APP: variants seen among roughly 807,000 people sequenced by gnomAD.
The protein encoded by APP is amyloid beta precursor protein, also known as amyloid-beta precursor protein.
A neutral mutation model predicts 101.4 loss-of-function variants in APP; 31 were observed. That is an observed-to-expected ratio of 0.31 (90% CI 0.23 to 0.41). APP has a LOEUF of 0.41. APP is among the 10% of genes least tolerant of loss of function. The pLI, the probability that APP is intolerant of heterozygous loss-of-function variation, is 1.00. For synonymous variants in APP, 366 were observed against 364.4 expected, an observed-to-expected ratio of 1.00 and a Z score of -0.05; for missense variants, 839 against 1,003.7, an observed-to-expected ratio of 0.84 and a Z score of 2.22.
At chr21:26,008,349 A>T (rs530338180) in intron 6 of APP, among the ~76,000 whole-genome samples, 1 of 152,258 alleles carries the variant, frequency 6.6e-6, no homozygotes, top group African/African-American at 2.4e-5. Context: ...CCTGTTTGTT[A>T]TGGGAATAAA....
At chr21:25,971,630 C>A (rs2042036373) in intron 11 of APP, among the ~76,000 whole-genome samples, 1 of 152,148 alleles carries the variant, frequency 6.6e-6, no homozygotes, top group Admixed American at 6.5e-5. Flanking sequence ...GAGAATATAG[C>A]TGAGTAATGA....
At chr21:26,170,015 G>C (rs1276777115) in intron 1 of APP, among the ~76,000 whole-genome samples, 1 of 152,192 alleles carries the variant, frequency 6.6e-6, no homozygotes, top group Non-Finnish European at 1.5e-5. Context: ...GCAAGGAAGG[G>C]GGATGGGGGT....
At chr21:26,037,309 G>GT (rs1235373668) in intron 5 of APP, among the ~76,000 whole-genome samples, 1 of 152,132 alleles carries the variant, frequency 6.6e-6, no homozygotes, top group Non-Finnish European at 1.5e-5. Context: ...CTACAGCACT[G>GT]TAGGATGACT....
intron 3 of APP, among the ~76,000 whole-genome samples, chr21:26,084,314 C>G (rs2061660262): frequency 6.8e-6 from 1 of 147,876 alleles, no homozygotes; most frequent in Admixed American, 6.9e-5. Context: ...TCTCGGCTCA[C>G]GGCAAGCTCC....
intron 3 of APP, among the ~76,000 whole-genome samples, chr21:26,086,663 G>C (rs2061711792): frequency 6.6e-6 from 1 of 152,018 alleles, no homozygotes; most frequent in Non-Finnish European, 1.5e-5. Context: ...TGTTAAGCAG[G>C]AATAATATGT....
chr21:25,962,296 A>G (rs2041614742), intron 11 of APP, among the ~76,000 whole-genome samples: 1 of 152,242 alleles, frequency 6.6e-6, no homozygotes, highest in African/African-American at 2.4e-5. Flanking sequence ...CATCATTTAC[A>G]GCAAGAGGAA....
In APP at chr21:25,881,829, A is replaced by C. The variant is rs41276546; in HGVS notation, c.2212-58T>G. The C allele has an allele frequency of 0.031, 46,387 of 1,513,866 alleles. 859 individuals are homozygous for C. The highest frequency in any genetic ancestry group is 0.035 in the Non-Finnish European group (38,760 of 1,097,938). 93.8% of individuals were successfully genotyped at this position (1,513,866 alleles called of 1,614,324 possible). ...AAAAATCAATCTTTTAAGGGTGAAC[A>C]TGGAGAAGCAGTAAAAAGATAAGGA... On this transcript the variant is annotated intron_variant, in intron 17 of 17. Coordinates refer to ENST00000346798, the MANE Select transcript of APP (RefSeq NM_000484.4).
intron 5 of APP, among the ~76,000 whole-genome samples, chr21:26,049,853 A>G (rs979279980): frequency 6.6e-6 from 1 of 152,200 alleles, no homozygotes; most frequent in African/African-American, 2.4e-5. Flanking sequence ...GAGGAATATC[A>G]AAGCTATAAA....
chr21:25,915,779 G>A (rs530302725), intron 13 of APP, among the ~76,000 whole-genome samples: 36 of 152,318 alleles, frequency 2.4e-4, no homozygotes, highest in African/African-American at 7.2e-4. Flanking sequence ...AACAGTCAGG[G>A]GAGGTTGAGG....
chr21:25,888,251 AGGAAGAGGATGTT>A (rs1488293697), intron 17 of APP, among the ~76,000 whole-genome samples: 1 of 152,178 alleles, frequency 6.6e-6, no homozygotes, highest in Non-Finnish European at 1.5e-5. Flanking sequence ...CTGTTAAGGT[AGGAAGAGGATGTT>A]GCAGAAGCAT....
At chr21:26,136,733 G>C (rs563802983) in intron 1 of APP, among the ~76,000 whole-genome samples, 1 of 152,072 alleles carries the variant, frequency 6.6e-6, no homozygotes, top group South Asian at 2.1e-4. Flanking sequence ...AACACAGGTT[G>C]GTTGTTTTAG....
intron 3 of APP, among the ~76,000 whole-genome samples, chr21:26,089,235 A>G (rs2061767034): frequency 6.6e-6 from 1 of 152,204 alleles, no homozygotes; most frequent in Admixed American, 6.5e-5. Flanking sequence ...TGGTCACATA[A>G]AAACAACAAC....
At chr21:26,113,093 A>G (rs2062363488) in intron 1 of APP, among the ~76,000 whole-genome samples, 1 of 152,236 alleles carries the variant, frequency 6.6e-6, no homozygotes, top group African/African-American at 2.4e-5. Flanking sequence ...AATGAAAAAT[A>G]TATCCACAGG....
At chr21:25,907,437 A>G (rs187713782) in intron 14 of APP, among the ~76,000 whole-genome samples, 1 of 152,356 alleles carries the variant, frequency 6.6e-6, no homozygotes, top group Non-Finnish European at 1.5e-5. Flanking sequence ...AATACTTTCC[A>G]ATTTTTCCAA....
chr21:26,048,554 A>G (rs749937344), intron 5 of APP, among the ~76,000 whole-genome samples: 47 of 152,200 alleles, frequency 3.1e-4, no homozygotes, highest in Non-Finnish European at 6.0e-4. Context: ...AGTCCTTACC[A>G]AAAGCTATGA....
At chr21:25,917,635 A>G (rs1047143713) in intron 13 of APP, among the ~76,000 whole-genome samples, 18 of 152,336 alleles carry the variant, frequency 1.2e-4, no homozygotes, top group Admixed American at 5.9e-4. Context: ...AGTGTCAGTT[A>G]TAATTACTGA....
chr21:25,882,821 C>T lies in APP; in HGVS notation c.2212-1050G>A, dbSNP rs573389056. ...TGGATGTACCATAGAGAAGATATTCCTTCAAAGGGATATTTCCTAGAATGG... is the reference window on the plus strand; with the variant it reads ...TGGATGTACCATAGAGAAGATATTCTTTCAAAGGGATATTTCCTAGAATGG... On this transcript the variant is annotated intron_variant, in intron 17 of 17. Transcript: ENST00000346798. 9.2e-5 allele frequency among the ~76,000 whole-genome samples: 14 copies of T among 152,208 alleles called. No homozygotes were observed. In the East Asian group the frequency reaches 1.5e-3, roughly 17 times the overall value.
chr21:25,887,528 A>AAC (rs2037409209), intron 17 of APP, among the ~76,000 whole-genome samples: 1 of 151,548 alleles, frequency 6.6e-6, no homozygotes, highest in African/African-American at 2.4e-5. Flanking sequence ...AAAAAAAAAA[A>AAC]AAAAAAAAAA....
intron 5 of APP, among the ~76,000 whole-genome samples, chr21:26,043,222 GT>G (rs1214413361): frequency 6.7e-6 from 1 of 150,044 alleles, no homozygotes; most frequent in African/African-American, 2.5e-5. Flanking sequence ...ATATTCCTTA[GT>G]TTTTCTTTTC....
Sources: allele counts gnomAD v4.1 joint callset (sites outside exome capture counted in the v4.1 genomes callset), GRCh38; gene constraint gnomAD v4.1.1; transcripts MANE v1.5; gene names NCBI Gene and HGNC (gene_info 2026-07-23, HGNC 2026-07-21).